Variants in NEURL1B observed in about 807,000 individuals in gnomAD.
NEURL1B encodes E3 ubiquitin-protein ligase NEURL1B.
Under a neutral mutation model 37.4 loss-of-function variants are expected in NEURL1B, and 13 were observed. The ratio of observed to expected loss-of-function variants is 0.35; its 90% CI spans 0.23 to 0.55. The LOEUF is 0.55. NEURL1B is among the 20% of genes least tolerant of loss of function. The probability of loss-of-function intolerance (pLI) is 0.89; values close to 1 mark genes in which losing one functional copy is unlikely to be tolerated. For missense variants in NEURL1B, 790 were observed against 879.2 expected, an observed-to-expected ratio of 0.90 and a Z score of 1.28; for synonymous variants, 432 against 426.6, an observed-to-expected ratio of 1.01 and a Z score of -0.16.
In NEURL1B at chr5:172,657,450, A is replaced by G. The variant is rs549703587; in HGVS notation, c.32-12335A>G. Reference sequence around the variant, plus strand: ...TTAGATATAGAGATGATCATGGACAATTATCAATCATTATTATAAACATTA... The same window carrying G: ...TTAGATATAGAGATGATCATGGACAGTTATCAATCATTATTATAAACATTA... On this transcript the variant is annotated intron_variant, in intron 1 of 4. Coordinates refer to ENST00000369800, the MANE Select transcript of NEURL1B (RefSeq NM_001142651.3). This position sits in a 1 kb window ranked among gnomAD's most constrained non-coding sequence, Gnocchi z 4.0. 6.6e-6 allele frequency among the ~76,000 whole-genome samples: 1 copy of G among 152,348 alleles called. No homozygotes were observed. Among genetic ancestry groups the G allele is most frequent in the East Asian group, 1.9e-4 (1 of 5,192 alleles).
intron 1 of NEURL1B, among the ~76,000 whole-genome samples, chr5:172,649,757 C>T (rs1043970009): frequency 3.9e-5 from 6 of 152,300 alleles, no homozygotes; most frequent in Middle Eastern, 3.4e-3. Context: ...AGGCACAGGA[C>T]GGTGACGTCA....
chr5:172,688,870 G>A lies in NEURL1B; in HGVS notation c.*1945G>A, dbSNP rs1758567950. ...GGCCACGCACAGGCCCTGCATGGGA[G>A]GACTCCTCACCCCAGGCCTGTGGTG... On this transcript the variant is annotated 3_prime_UTR_variant, in exon 5 of 5. Transcript: ENST00000369800. This position sits in a 1 kb window ranked among gnomAD's most constrained non-coding sequence, Gnocchi z 4.3. 2 of 152,252 alleles carry A rather than the reference G, an allele frequency of 1.3e-5. 1 individual carries two copies. The highest frequency in any genetic ancestry group is 4.8e-5 in the African/African-American group (2 of 41,470). The allele number at this position is 152,252 out of a possible 1,614,324, so 9.4% of individuals were successfully genotyped here.
intron 1 of NEURL1B, among the ~76,000 whole-genome samples, chr5:172,643,183 T>G (rs1219683856): frequency 6.6e-6 from 1 of 152,176 alleles, no homozygotes; most frequent in Non-Finnish European, 1.5e-5. Flanking sequence ...CTGCAGTGTC[T>G]AAGTATGGGG....
At chr5:172,672,809 A>G (rs975363531) in intron 2 of NEURL1B, among the ~76,000 whole-genome samples, 5 of 152,214 alleles carry the variant, frequency 3.3e-5, no homozygotes, top group Non-Finnish European at 7.3e-5. Context: ...CATATATAAA[A>G]GAAGAAAATG....
rs1479386952 is a variant in NEURL1B, at chr5:172,656,629, A to G, written c.32-13156A>G. On this transcript the variant is annotated intron_variant, in intron 1 of 4. Transcript: ENST00000369800. ...TGCTCCTCTTTTTGTTTCTGCTTGA[A>G]AGCCTTATCTTCCTCGTCCATCTCC... 5 of 1,607,968 alleles carry G rather than the reference A, an allele frequency of 3.1e-6. No homozygotes were observed. In the East Asian group the frequency reaches 1.1e-4, roughly 36 times the overall value.
intron 2 of NEURL1B, among the ~76,000 whole-genome samples, chr5:172,682,005 G>A (rs1330936393): frequency 2.0e-5 from 3 of 152,006 alleles, no homozygotes; most frequent in African/African-American, 7.3e-5. Context: ...GACCTTAGTC[G>A]TTCCTTCATT....
chr5:172,682,629 T>C (rs1261787467), intron 2 of NEURL1B, among the ~76,000 whole-genome samples: 1 of 152,146 alleles, frequency 6.6e-6, no homozygotes, highest in East Asian at 1.9e-4. Flanking sequence ...TGACTCAATC[T>C]CCCGTAGACT....
intron 2 of NEURL1B, among the ~76,000 whole-genome samples, chr5:172,672,543 C>CCCT (rs1554098447): frequency 6.9e-6 from 1 of 144,100 alleles, no homozygotes; most frequent in African/African-American, 2.6e-5. Flanking sequence ...TGAACTCTCC[C>CCCT]CCCCCCACTC....
In NEURL1B at chr5:172,684,135, C is replaced by T; in HGVS notation, c.1294C>T (p.Leu432Phe). The change falls in exon 3 of 5, where the codon CTC becomes TTC. Residue 432 changes from leucine (L) to phenylalanine (F), a missense_variant. By Grantham distance (22) the Leu-to-Phe change is conservative. Around this residue, in one of 3 missense-constraint regions of NEURL1B, gnomAD observed 460 missense variants for 407.4 expected, o/e 1.13. Coordinates refer to ENST00000369800, the MANE Select transcript of NEURL1B (RefSeq NM_001142651.3). ...CGGCGTCGCGGGCCAGCTGCGTCTC[C>T]TCGGTGAGTCCCCGGCCCCGCGTGC... ...RGGVAGQLRLLGTLQSSPATT... is the reference protein window; with the variant it reads ...RGGVAGQLRLFGTLQSSPATT... 1 of 1,246,902 alleles carries T rather than the reference C, an allele frequency of 8.0e-7. No individual in the cohort carries two copies. The highest frequency in any genetic ancestry group is 2.9e-5 in the South Asian group (1 of 34,304). The allele number at this position is 1,246,902 out of a possible 1,614,324, so 77.2% of individuals were successfully genotyped here.
Position 172,676,829 on chromosome 5 carries a change from G to A in NEURL1B, c.577+6499G>A, listed in dbSNP as rs1015954086. ...CAGGAAACTCATTTGCAAACTCCAC[G>A]TGGATAGAGAACTTGGCCAAGGTTG... is the stretch of plus-strand genomic sequence containing the variant. On this transcript the variant is annotated intron_variant, in intron 2 of 4. Coordinates refer to ENST00000369800, the MANE Select transcript of NEURL1B (RefSeq NM_001142651.3). This position sits in a 1 kb window ranked among gnomAD's most constrained non-coding sequence, Gnocchi z 4.5. Among the ~76,000 whole-genome samples the A allele has an allele frequency of 3.9e-5, 6 of 152,258 alleles. No individual in the cohort carries two copies. The highest frequency in any genetic ancestry group is 5.9e-5 in the Non-Finnish European group (4 of 68,046).
At position 172,686,334 on chromosome 5, in the gene NEURL1B, C is replaced by T. The variant is rs368137882; in HGVS notation, c.1423+38C>T. 1.9e-4 allele frequency: 290 copies of T among 1,547,218 alleles called. 1 individual carries two copies. The highest frequency in any genetic ancestry group is 2.4e-4 in the East Asian group (10 of 40,918). ...AAACCCTGGCAGGGGCAGGGGCTGG[C>T]GGCTGGCCTGGCTCCTCCGGCTGTG... On this transcript the variant is annotated intron_variant, in intron 4 of 4. Transcript: ENST00000369800. The surrounding 1 kb of genome is among the most constrained non-coding windows in gnomAD (Gnocchi z 7.9).
chr5:172,649,894 CCTT>C (rs1174686589), intron 1 of NEURL1B, among the ~76,000 whole-genome samples: 1 of 152,130 alleles, frequency 6.6e-6, no homozygotes, highest in Admixed American at 6.5e-5. Flanking sequence ...CAAACTCATC[CCTT>C]CTTCTCCTTT....
chr5:172,690,673 G>A lies in NEURL1B; in HGVS notation c.*3748G>A, dbSNP rs554362186. On this transcript the variant is annotated 3_prime_UTR_variant, in exon 5 of 5. Coordinates refer to ENST00000369800, the MANE Select transcript of NEURL1B (RefSeq NM_001142651.3). ...CCATCCGCTGCCTTGGGTCTGTTGA[G>A]GTGGGTGCCCAAAGGCTGCCTTCTT... 2.0e-5 allele frequency: 3 copies of A among 152,342 alleles called. No individual in the cohort carries two copies. Among genetic ancestry groups the A allele is most frequent in the Non-Finnish European group, 4.4e-5 (3 of 68,080 alleles). 9.4% of individuals were successfully genotyped at this position (152,342 alleles called of 1,614,324 possible). A position where few individuals can be genotyped will look rare whatever the true frequency, so the allele number is the denominator to read the frequency against.
chr5:172,673,990 A>G (rs76331179), intron 2 of NEURL1B, among the ~76,000 whole-genome samples: 15,861 of 151,772 alleles, frequency 0.1, 899 homozygotes, highest in Admixed American at 0.13. Flanking sequence ...AATACAAAAA[A>G]TTAACCAGCC....
rs757484041 is a variant in NEURL1B, at chr5:172,687,760, A to G, written c.*835A>G. 12 of 151,920 alleles carry G rather than the reference A, an allele frequency of 7.9e-5. No homozygotes were observed. Among genetic ancestry groups the G allele is most frequent in the Non-Finnish European group, 1.5e-4 (10 of 68,000 alleles). The allele number at this position is 151,920 out of a possible 1,614,324, so 9.4% of individuals were successfully genotyped here. On this transcript the variant is annotated 3_prime_UTR_variant, in exon 5 of 5. Coordinates refer to ENST00000369800, the MANE Select transcript of NEURL1B (RefSeq NM_001142651.3). ...GTAATGCCCTTCCCTATCTCCAAGG[A>G]GAAGACCAGCAGTAAGTTCTGTTTT...
chr5:172,649,563 T>G (rs1757623969), intron 1 of NEURL1B, among the ~76,000 whole-genome samples: 1 of 151,992 alleles, frequency 6.6e-6, no homozygotes, highest in Admixed American at 6.6e-5. Context: ...GTTTTCACCA[T>G]GTTGGTCAGG....
chr5:172,677,347 G>C (rs1758250121), intron 2 of NEURL1B, among the ~76,000 whole-genome samples: 1 of 152,188 alleles, frequency 6.6e-6, no homozygotes, highest in Non-Finnish European at 1.5e-5. Flanking sequence ...AAGGGCTTCT[G>C]AAGGCCTGTT....
rs182496066 is a variant in NEURL1B at position 172,661,122 on chromosome 5, C to T, written c.32-8663C>T. ...ACACACATGAGCACCATGTTGCTTC[C>T]TACTGCCAACAGTGCTGGTTTACAT... On this transcript the variant is annotated intron_variant, in intron 1 of 4. Transcript: ENST00000369800. This position sits in a 1 kb window ranked among gnomAD's most constrained non-coding sequence, Gnocchi z 4.0. Among the ~76,000 whole-genome samples, 3 of 152,226 alleles carry T rather than the reference C, an allele frequency of 2.0e-5. No individual in the cohort carries two copies. The highest frequency in any genetic ancestry group is 4.4e-5 in the Non-Finnish European group (3 of 68,046).
At chr5:172,678,509 T>C (rs912890547) in intron 2 of NEURL1B, among the ~76,000 whole-genome samples, 15 of 152,014 alleles carry the variant, frequency 9.9e-5, no homozygotes, top group East Asian at 1.9e-4. Context: ...GCCAGCCCCA[T>C]TGGCAATAAG....
Sources: gnomAD v4.1 joint callset for allele counts (sites outside exome capture counted in the v4.1 genomes callset) on GRCh38, gnomAD v4.1.1 for gene constraint, gnomAD v4.1.1 regional missense constraint, Gnocchi (gnomAD v3.1) non-coding constraint, MANE v1.5 for transcripts, NCBI Gene and HGNC (gene_info 2026-07-23, HGNC 2026-07-21) for gene names.